The following LDAH variants were observed in gnomAD, a reference collection of about 807,000 sequenced individuals.
The protein encoded by LDAH is lipid droplet associated hydrolase, also known as lipid droplet-associated hydrolase.
A neutral mutation model predicts 29.6 loss-of-function variants in LDAH; 26 were observed. The ratio of observed to expected loss-of-function variants is 0.88; its 90% CI spans 0.64 to 1.22. LDAH has a LOEUF of 1.22. LDAH is among the 50% of genes most tolerant of loss of function. The pLI is 0.00. For synonymous variants in LDAH, 117 were observed against 133.0 expected (o/e 0.88, Z 0.83); for missense variants, 344 against 387.3 (o/e 0.89, Z 0.94).
intron 5 of LDAH, among the ~76,000 whole-genome samples, chr2:20,711,827 C>G (rs1468942021): frequency 5.3e-5 from 8 of 152,224 alleles, no homozygotes; most frequent in Non-Finnish European, 7.3e-5. Flanking sequence ...AGCAGCCCGG[C>G]AGGGGGAGGG....
At chr2:20,782,018 T>C (rs1670227026) in intron 3 of LDAH, among the ~76,000 whole-genome samples, 1 of 152,212 alleles carries the variant, frequency 6.6e-6, no homozygotes, top group African/African-American at 2.4e-5. Context: ...AGCTGTTTCC[T>C]AAAAATTCAG....
intron 1 of LDAH, among the ~76,000 whole-genome samples, chr2:20,803,835 T>C (rs556127114): frequency 6.6e-6 from 1 of 152,352 alleles, no homozygotes; most frequent in Non-Finnish European, 1.5e-5. Flanking sequence ...AGTGACTTCA[T>C]AGTTTTTCTC....
At chr2:20,813,595 T>C (rs1672649397) in intron 1 of LDAH, among the ~76,000 whole-genome samples, 1 of 152,210 alleles carries the variant, frequency 6.6e-6, no homozygotes, top group East Asian at 1.9e-4. Flanking sequence ...GTGCTTTTGT[T>C]TTTATAGGCC....
At chr2:20,763,916 T>G (rs1365826330) in intron 4 of LDAH, among the ~76,000 whole-genome samples, 2 of 152,074 alleles carry the variant, frequency 1.3e-5, no homozygotes, top group Non-Finnish European at 2.9e-5. Flanking sequence ...TTCCAAAAAA[T>G]TAGCCCTTTG....
intron 5 of LDAH, among the ~76,000 whole-genome samples, chr2:20,703,165 TGTTTA>T (rs773393671): frequency 2.2e-4 from 34 of 152,342 alleles, no homozygotes; most frequent in Non-Finnish European, 4.3e-4. Flanking sequence ...CTGCTTTCCT[TGTTTA>T]AAGTTTTATC....
intron 5 of LDAH, among the ~76,000 whole-genome samples, chr2:20,726,710 A>G (rs1436013590): frequency 6.6e-6 from 1 of 152,226 alleles, no homozygotes; most frequent in Non-Finnish European, 1.5e-5. Context: ...TTCGTAGTCA[A>G]CATAGTTTAT....
At chr2:20,803,862 A>C (rs952919485) in intron 1 of LDAH, among the ~76,000 whole-genome samples, 6 of 152,146 alleles carry the variant, frequency 3.9e-5, no homozygotes, top group African/African-American at 1.4e-4. Flanking sequence ...TACCCTAATA[A>C]TTCTTTAAGT....
intron 4 of LDAH, among the ~76,000 whole-genome samples, chr2:20,750,756 C>T (rs915663145): frequency 6.6e-6 from 1 of 152,160 alleles, no homozygotes; most frequent in Admixed American, 6.5e-5. Flanking sequence ...TGGAAACAAC[C>T]CACATGCCCA....
intron 3 of LDAH, among the ~76,000 whole-genome samples, chr2:20,789,697 C>A (rs1374741523): frequency 1.3e-5 from 2 of 152,172 alleles, no homozygotes; most frequent in Non-Finnish European, 2.9e-5. Flanking sequence ...AGGAACCCGG[C>A]CACACAGATG....
chr2:20,701,238 T>C (rs1199606631), intron 6 of LDAH, among the ~76,000 whole-genome samples: 2 of 152,208 alleles, frequency 1.3e-5, no homozygotes, highest in South Asian at 2.1e-4. Context: ...CACTGTTTCA[T>C]TTATATTCCA....
chr2:20,771,266 A>G (rs1331220544), intron 4 of LDAH, among the ~76,000 whole-genome samples: 3 of 152,246 alleles, frequency 2.0e-5, no homozygotes, highest in African/African-American at 7.2e-5. Flanking sequence ...AAAATATTAC[A>G]AAGAGCTGAA....
At chr2:20,742,663 A>C (rs976564843) in intron 4 of LDAH, among the ~76,000 whole-genome samples, 2 of 151,514 alleles carry the variant, frequency 1.3e-5, no homozygotes, top group Admixed American at 6.6e-5. Context: ...TTCTCCATCC[A>C]TTTACTTTTC....
intron 5 of LDAH, among the ~76,000 whole-genome samples, chr2:20,704,788 CTTGA>C (rs1664190032): frequency 6.6e-6 from 1 of 152,044 alleles, no homozygotes. Context: ...GTTGCCTTTA[CTTGA>C]TTTTCTTTTC....
chr2:20,713,494 C>A (rs1282626413), intron 5 of LDAH, among the ~76,000 whole-genome samples: 2 of 152,110 alleles, frequency 1.3e-5, no homozygotes, highest in African/African-American at 2.4e-5. Flanking sequence ...GGCAAAATAA[C>A]CAGCTAACAT....
chr2:20,719,469 GATCTA>G (rs1386628321), intron 5 of LDAH, among the ~76,000 whole-genome samples: 1 of 151,470 alleles, frequency 6.6e-6, no homozygotes, highest in Non-Finnish European at 1.5e-5. Context: ...TAATGAGTAA[GATCTA>G]AATAATAATA....
intron 5 of LDAH, among the ~76,000 whole-genome samples, chr2:20,728,105 A>G (rs1405319315): frequency 6.6e-6 from 1 of 152,250 alleles, no homozygotes; most frequent in Non-Finnish European, 1.5e-5. Flanking sequence ...TGTATAAACT[A>G]AAGGATACAG....
intron 6 of LDAH, among the ~76,000 whole-genome samples, chr2:20,691,534 T>C (rs575402576): frequency 1.3e-5 from 2 of 152,308 alleles, no homozygotes; most frequent in South Asian, 2.1e-4. Flanking sequence ...TCTGAGGCAC[T>C]GTGTGTCATG....
chr2:20,794,154 G>A (rs947282667), intron 2 of LDAH, among the ~76,000 whole-genome samples: 4 of 152,114 alleles, frequency 2.6e-5, no homozygotes, highest in Middle Eastern at 3.2e-3. Context: ...ATGGCAGCAG[G>A]CAAAAAGAAA....
chr2:20,743,576 G>C (rs551965844), intron 4 of LDAH, among the ~76,000 whole-genome samples: 2 of 152,162 alleles, frequency 1.3e-5, no homozygotes, highest in East Asian at 3.9e-4. Context: ...CGAAAGCACT[G>C]TTGCTATTAT....
Sources: gnomAD v4.1 joint callset for allele counts (sites outside exome capture counted in the v4.1 genomes callset) on GRCh38, gnomAD v4.1.1 for gene constraint, MANE v1.5 for transcripts, NCBI Gene and HGNC (gene_info 2026-07-23, HGNC 2026-07-21) for gene names.